The following MARCHF10 variants were observed in gnomAD, a reference collection of about 807,000 sequenced individuals.
The protein encoded by MARCHF10 is probable E3 ubiquitin-protein ligase MARCHF10.
In MARCHF10, 64 loss-of-function variants were observed where a neutral mutation model predicts 76.2. The ratio of observed to expected loss-of-function variants is 0.84; its 90% CI spans 0.69 to 1.03. MARCHF10 has a LOEUF of 1.03. MARCHF10 is among the 50% of genes least tolerant of loss of function. The probability of loss-of-function intolerance (pLI) is 0.00; values close to 1 mark genes in which losing one functional copy is unlikely to be tolerated. For missense variants in MARCHF10, 875 were observed against 958.0 expected (o/e 0.91, Z 1.14); for synonymous variants, 340 against 357.5 (o/e 0.95, Z 0.55).
chr17:62,738,584 G>A lies in MARCHF10; in HGVS notation c.536-1252C>T, dbSNP rs780744185. On this transcript the variant is annotated intron_variant, in intron 5 of 10. Coordinates refer to ENST00000311269, the MANE Select transcript of MARCHF10 (RefSeq NM_152598.4). This position sits in a 1 kb window ranked among gnomAD's most constrained non-coding sequence, Gnocchi z 4.0. ...ACTCCACGGGCCCTGGAAGGTCTGT[G>A]TTGATAACAGCTCGGGCTGGTGAAA... Among the ~76,000 whole-genome samples the A allele has an allele frequency of 2.0e-5, 3 of 152,174 alleles. No homozygotes were observed. Among genetic ancestry groups the A allele is most frequent in the Non-Finnish European group, 4.4e-5 (3 of 68,040 alleles).
intron 8 of MARCHF10, among the ~76,000 whole-genome samples, chr17:62,716,978 T>A (rs909235629): frequency 1.3e-5 from 2 of 152,174 alleles, no homozygotes; most frequent in African/African-American, 2.4e-5. Flanking sequence ...GGCACAGGTG[T>A]CCATGTCACC....
chr17:62,755,346 A>C (rs2147925976), intron 4 of MARCHF10, among the ~76,000 whole-genome samples: 1 of 152,242 alleles, frequency 6.6e-6, no homozygotes, highest in African/African-American at 2.4e-5. Context: ...CAGGTGCCAG[A>C]ATCCCACAGC....
chr17:62,792,371 A>T (rs986812448), intron 2 of MARCHF10, among the ~76,000 whole-genome samples: 1 of 152,020 alleles, frequency 6.6e-6, no homozygotes, highest in Non-Finnish European at 1.5e-5. Flanking sequence ...CTCATCTGTA[A>T]GAGGAAGTTG....
intron 8 of MARCHF10, among the ~76,000 whole-genome samples, chr17:62,718,553 T>C (rs1020857024): frequency 2.0e-5 from 3 of 152,230 alleles, no homozygotes; most frequent in African/African-American, 7.2e-5. Context: ...CAACCCATCC[T>C]CACGTGGACA....
rs2089938034 is a variant in MARCHF10 at position 62,711,672 on chromosome 17, A to G, written c.2215-328T>C. On this transcript the variant is annotated intron_variant, in intron 8 of 10. Coordinates refer to ENST00000311269, the MANE Select transcript of MARCHF10 (RefSeq NM_152598.4). The surrounding 1 kb of genome is among the most constrained non-coding windows in gnomAD (Gnocchi z 4.4). ...ATGTTGTGGGGAACACAGGGCAAAA[A>G]GCCTCAGAACTCCCTGCTGGGAACC... Among the ~76,000 whole-genome samples, 1 of 152,200 alleles carries G rather than the reference A, an allele frequency of 6.6e-6. No individual in the cohort carries two copies. Among genetic ancestry groups the G allele is most frequent in the Non-Finnish European group, 1.5e-5 (1 of 68,030 alleles).
intron 3 of MARCHF10, among the ~76,000 whole-genome samples, chr17:62,764,894 G>A (rs1044240624): frequency 6.6e-6 from 1 of 152,144 alleles, no homozygotes; most frequent in East Asian, 1.9e-4. Context: ...TAAAGAACGA[G>A]GCTCAGTAGG....
At chr17:62,759,519 C>T (rs1019286925) in intron 4 of MARCHF10, among the ~76,000 whole-genome samples, 12 of 152,136 alleles carry the variant, frequency 7.9e-5, no homozygotes, top group South Asian at 4.1e-4. Context: ...TGCTCTGTTG[C>T]CCAGGCTGAA....
chr17:62,724,827 G>A (rs547871466), intron 7 of MARCHF10, 111 bp downstream of exon 7: 4 of 1,165,698 alleles, frequency 3.4e-6, no homozygotes, highest in Non-Finnish European at 4.9e-6. Flanking sequence ...TCCCTGAGTC[G>A]CTGTTCTGCG....
At chr17:62,731,073 A>G (rs576059181) in intron 6 of MARCHF10, among the ~76,000 whole-genome samples, 86 of 152,312 alleles carry the variant, frequency 5.6e-4, no homozygotes, top group African/African-American at 2.0e-3. Context: ...GACAAAAATA[A>G]TTATGGATGC....
intron 6 of MARCHF10, among the ~76,000 whole-genome samples, chr17:62,731,488 C>G (rs1308302997): frequency 6.6e-6 from 1 of 152,144 alleles, no homozygotes; most frequent in Non-Finnish European, 1.5e-5. Context: ...TGGTCTCAAA[C>G]TCCTGACCTC....
intron 8 of MARCHF10, among the ~76,000 whole-genome samples, chr17:62,720,171 G>A (rs2147678501): frequency 6.6e-6 from 1 of 152,282 alleles, no homozygotes; most frequent in African/African-American, 2.4e-5. Context: ...ATCTGAGTCT[G>A]GTTCTGGTGT....
intron 6 of MARCHF10, among the ~76,000 whole-genome samples, chr17:62,733,029 A>G (rs2091101960): frequency 6.6e-6 from 1 of 151,776 alleles, no homozygotes; most frequent in Non-Finnish European, 1.5e-5. Context: ...ATAAAGAAAA[A>G]GACAAACTAG....
At chr17:62,739,671 G>GTGCCCGGCCA (rs1165591048) in intron 5 of MARCHF10, among the ~76,000 whole-genome samples, 3 of 152,092 alleles carry the variant, frequency 2.0e-5, no homozygotes, top group African/African-American at 7.2e-5. Context: ...GTGAGCCACC[G>GTGCCCGGCCA]TGCCCGGCCG....
At chr17:62,792,790 T>TGCCACCACCACCTCCACCACCAC (rs2092880199) in intron 2 of MARCHF10, among the ~76,000 whole-genome samples, 1 of 42,416 alleles carries the variant, frequency 2.4e-5, no homozygotes, top group Non-Finnish European at 4.5e-5. Context: ...ACCACCTCCA[T>TGCCACCACCACCTCCACCACCAC]CACCACCACC....
rs146191884 is a variant in MARCHF10 at position 62,737,655 on chromosome 17, C to T, written c.536-323G>A. 2.4e-3 allele frequency: 721 copies of T among 296,568 alleles called. 5 individuals carry two copies. Among genetic ancestry groups the T allele is most frequent in the African/African-American group, 0.013 (576 of 44,460 alleles). The allele number at this position is 296,568 out of a possible 1,614,324, so 18.4% of individuals were successfully genotyped here. On this transcript the variant is annotated intron_variant, in intron 5 of 10. Coordinates refer to ENST00000311269, the MANE Select transcript of MARCHF10 (RefSeq NM_152598.4). ...TGATGCGCAAACCTCACACTAAATA[C>T]TGGCTTTTGTTCCATACGTACTGAA...
rs2091304160 is a variant in MARCHF10 at position 62,737,092 on chromosome 17, G to A, written c.776C>T (p.Thr259Ile). 5 of 1,613,942 alleles carry A rather than the reference G, an allele frequency of 3.1e-6. No homozygotes were observed. The highest frequency in any genetic ancestry group is 1.3e-5 in the African/African-American group (1 of 74,874). Reference sequence around the variant, plus strand: ...TGCCTTTCTTGGCCCTCCTACAGTGGTGGGTGTGAGTGGTGGCCCCGAGAA... The same window carrying A: ...TGCCTTTCTTGGCCCTCCTACAGTGATGGGTGTGAGTGGTGGCCCCGAGAA... ...SEFSGPPLTP[T>I]TVGGPRKASF... Residue 259 changes from threonine to isoleucine, a missense_variant, in exon 6 of 11, where the codon ACC becomes ATC. Transcript: ENST00000311269.
At chr17:62,766,712 T>A (rs183125737) in intron 3 of MARCHF10, among the ~76,000 whole-genome samples, 251 of 152,190 alleles carry the variant, frequency 1.6e-3, no homozygotes, top group Non-Finnish European at 2.7e-3. Flanking sequence ...AGATCATCGA[T>A]GAAAATGCTT....
intron 4 of MARCHF10, among the ~76,000 whole-genome samples, chr17:62,751,219 G>C (rs2091888555): frequency 6.6e-6 from 1 of 152,158 alleles, no homozygotes; most frequent in Non-Finnish European, 1.5e-5. Context: ...CCTCACGCCT[G>C]ACAAATCTCA....
chr17:62,731,658 C>T (rs2091029125), intron 6 of MARCHF10, among the ~76,000 whole-genome samples: 1 of 152,262 alleles, frequency 6.6e-6, no homozygotes, highest in South Asian at 2.1e-4. Flanking sequence ...GTGGTGAGAT[C>T]GCTAACGTGT....
Sources: gnomAD v4.1 joint callset for allele counts (sites outside exome capture counted in the v4.1 genomes callset) on GRCh38, gnomAD v4.1.1 for gene constraint, Gnocchi (gnomAD v3.1) non-coding constraint, MANE v1.5 for transcripts, NCBI Gene and HGNC (gene_info 2026-07-23, HGNC 2026-07-21) for gene names.